The following EXOC4 variants were observed in gnomAD, a reference collection of about 807,000 sequenced individuals.
The protein encoded by EXOC4 is SEC8-like 1.
In EXOC4, 71 loss-of-function variants were observed where a neutral mutation model predicts 107.2. The ratio of observed to expected loss-of-function variants is 0.66; its 90% CI spans 0.55 to 0.81. The LOEUF is 0.81. Among genes scored for constraint, EXOC4 ranks in the 30% least tolerant of loss-of-function variants. EXOC4 has a pLI of 0.00. For missense variants in EXOC4, 1,108 were observed against 1,189.6 expected, an observed-to-expected ratio of 0.93 and a Z score of 1.01; for synonymous variants, 456 against 441.2, an observed-to-expected ratio of 1.03 and a Z score of -0.42.
intron 7 of EXOC4, among the ~76,000 whole-genome samples, chr7:133,443,980 A>G (rs1798162068): frequency 6.6e-6 from 1 of 152,182 alleles, no homozygotes. Flanking sequence ...GGAACTATGT[A>G]GTTCAGGGAA....
chr7:133,966,121 CTGTT>C (rs1037797397), intron 14 of EXOC4, among the ~76,000 whole-genome samples: 4 of 152,146 alleles, frequency 2.6e-5, no homozygotes, highest in African/African-American at 4.8e-5. Context: ...ATTTGGCTCT[CTGTT>C]TGTCATTAAT....
chr7:133,427,060 G>A (rs867195027), intron 7 of EXOC4, among the ~76,000 whole-genome samples: 1 of 150,894 alleles, frequency 6.6e-6, no homozygotes, highest in Non-Finnish European at 1.5e-5. Flanking sequence ...CATATGTGTG[G>A]TTTTTTTTTG....
intron 9 of EXOC4, among the ~76,000 whole-genome samples, chr7:133,510,666 G>A (rs6966473): frequency 0.76 from 116,378 of 152,148 alleles, 45,317 homozygotes; most frequent in East Asian, 0.95. Flanking sequence ...TGTCTCAAAA[G>A]CATGTATTAA....
Position 133,260,367 on chromosome 7 carries a change from G to A in EXOC4, c.86+7180G>A, listed in dbSNP as rs147510662. On this transcript the variant is annotated intron_variant, in intron 1 of 17. Transcript: ENST00000253861. ...TGGCTCACTGCAACCTCTGACTCCC[G>A]GGTTCAAACAATTCTCCTGCTTCAG... Among the ~76,000 whole-genome samples, 1,511 of 151,640 alleles carry A rather than the reference G, an allele frequency of 1.0e-2. 11 individuals carry two copies. Among genetic ancestry groups the A allele is most frequent in the Non-Finnish European group, 0.017 (1,125 of 67,946 alleles).
In EXOC4 at chr7:133,824,542, G is replaced by A. The variant is rs542023342; in HGVS notation, c.1734+6998G>A. Among the ~76,000 whole-genome samples the A allele has an allele frequency of 1.2e-4, 19 of 152,206 alleles. 1 individual carries two copies. The highest frequency in any genetic ancestry group is 8.5e-4 in the Admixed American group (13 of 15,302). On this transcript the variant is annotated intron_variant, in intron 11 of 17. Coordinates refer to ENST00000253861, the MANE Select transcript of EXOC4 (RefSeq NM_021807.4). ...GCCATTTATTAGCAGCAGAAGCAGC[G>A]TGCAGTATTTTTGTCCATTAAAGCT...
At chr7:133,446,494 C>T (rs1222250129) in intron 7 of EXOC4, among the ~76,000 whole-genome samples, 1 of 152,120 alleles carries the variant, frequency 6.6e-6, no homozygotes. Flanking sequence ...AACATGCCAG[C>T]TTATAACTTG....
chr7:133,327,266 T>C (rs1381112057), intron 5 of EXOC4, among the ~76,000 whole-genome samples: 3 of 152,188 alleles, frequency 2.0e-5, no homozygotes, highest in Admixed American at 1.3e-4. Flanking sequence ...AGTACCTCAG[T>C]TGGAAATGCA....
At chr7:133,346,300 C>G (rs1437590471) in intron 5 of EXOC4, among the ~76,000 whole-genome samples, 1 of 152,134 alleles carries the variant, frequency 6.6e-6, no homozygotes, top group Non-Finnish European at 1.5e-5. Context: ...CTTTATTACC[C>G]TGCATGGGCC....
chr7:133,348,625 A>G (rs941398512), intron 5 of EXOC4, among the ~76,000 whole-genome samples: 1 of 152,062 alleles, frequency 6.6e-6, no homozygotes, highest in African/African-American at 2.4e-5. Context: ...TCTGCTTACA[A>G]TTTTGCGTAT....
chr7:133,647,718 T>C (rs1428542457), intron 10 of EXOC4, among the ~76,000 whole-genome samples: 1 of 152,170 alleles, frequency 6.6e-6, no homozygotes, highest in Non-Finnish European at 1.5e-5. Context: ...TCAAACAGTT[T>C]ATCTACAGTC....
intron 10 of EXOC4, among the ~76,000 whole-genome samples, chr7:133,769,524 C>T (rs1401872045): frequency 2.0e-5 from 3 of 151,726 alleles, no homozygotes; most frequent in East Asian, 1.9e-4. Context: ...TGTCTGAACA[C>T]GCTGTGCCTT....
At position 133,866,220 on chromosome 7, in the gene EXOC4, G is replaced by A. The variant is rs180802252; in HGVS notation, c.1735-29379G>A. The stretch of plus-strand genomic sequence containing the variant: ...TTTAAATATGAGATTAAGGGAAATC[G>A]AGCGACTTCTCAAGTCACAGAATGA... On this transcript the variant is annotated intron_variant, in intron 11 of 17. Coordinates refer to ENST00000253861, the MANE Select transcript of EXOC4 (RefSeq NM_021807.4). Among the ~76,000 whole-genome samples, 9 of 152,194 alleles carry A rather than the reference G, an allele frequency of 5.9e-5. No homozygotes were observed. In the East Asian group the frequency reaches 1.7e-3, roughly 29 times the overall value.
chr7:133,348,123 T>C (rs1795827021), intron 5 of EXOC4, among the ~76,000 whole-genome samples: 1 of 152,226 alleles, frequency 6.6e-6, no homozygotes, highest in South Asian at 2.1e-4. Flanking sequence ...GCTTTTTTCA[T>C]AAAGCACCAA....
intron 10 of EXOC4, among the ~76,000 whole-genome samples, chr7:133,793,375 G>A (rs1459040566): frequency 1.3e-5 from 2 of 152,110 alleles, no homozygotes; most frequent in African/African-American, 4.8e-5. Flanking sequence ...CCAGACCCAG[G>A]CAGTTTACTC....
At chr7:134,100,874 G>A in the EXOC4 span, among the ~76,000 whole-genome samples, 1 of 128,654 alleles carries the variant, frequency 7.8e-6, no homozygotes, top group African/African-American at 2.7e-5. Context: ...AGCCTGGGAG[G>A]TGGAGGTTGC....
At chr7:133,767,619 CT>C (rs1468811581) in intron 10 of EXOC4, among the ~76,000 whole-genome samples, 1 of 151,966 alleles carries the variant, frequency 6.6e-6, no homozygotes, top group Non-Finnish European at 1.5e-5. Context: ...AGTGAAAAGT[CT>C]TTTCAACTGC....
At chr7:133,939,162 T>C (rs1800370533) in intron 14 of EXOC4, among the ~76,000 whole-genome samples, 1 of 152,232 alleles carries the variant, frequency 6.6e-6, no homozygotes, top group Non-Finnish European at 1.5e-5. Context: ...ATATTAGGGC[T>C]ATTAGACAGT....
At chr7:133,321,349 G>A (rs1464362380) in intron 5 of EXOC4, among the ~76,000 whole-genome samples, 2 of 151,730 alleles carry the variant, frequency 1.3e-5, no homozygotes, top group Non-Finnish European at 2.9e-5. Flanking sequence ...AGGTATACAC[G>A]TGCCATGGTT....
chr7:133,859,030 C>A lies in EXOC4; in HGVS notation c.1735-36569C>A, dbSNP rs1031440386. On this transcript the variant is annotated intron_variant, in intron 11 of 17. Coordinates refer to ENST00000253861, the MANE Select transcript of EXOC4 (RefSeq NM_021807.4). ...CCTGCCTCAAAACTTTGCAGAACCC[C>A]ACCCAGTGGCACCAATTTGTTCTTC... Among the ~76,000 whole-genome samples, 8 of 152,266 alleles carry A rather than the reference C, an allele frequency of 5.3e-5. No individual in the cohort carries two copies. In the South Asian group the frequency reaches 1.2e-3, roughly 24 times the overall value.
Sources: gnomAD v4.1 joint callset for allele counts (sites outside exome capture counted in the v4.1 genomes callset) on GRCh38, gnomAD v4.1.1 for gene constraint, MANE v1.5 for transcripts, NCBI Gene and HGNC (gene_info 2026-07-23, HGNC 2026-07-21) for gene names.